Variants in CNTNAP3 observed in about 807,000 individuals in gnomAD.
CNTNAP3 encodes the protein contactin-associated protein-like 3.
Under a neutral mutation model 92.1 loss-of-function variants are expected in CNTNAP3, and 36 were observed. That is an observed-to-expected ratio of 0.39 (90% CI 0.30 to 0.52). CNTNAP3 has a LOEUF of 0.52. Among genes scored for constraint, CNTNAP3 ranks in the 20% least tolerant of loss-of-function variants. The pLI is 0.76. For missense variants in CNTNAP3, 534 were observed against 1,069.6 expected (o/e 0.50, Z 6.98); for synonymous variants, 232 against 422.3 (o/e 0.55, Z 5.53).
intron 21 of CNTNAP3, among the ~76,000 whole-genome samples, chr9:39,083,973 G>C (rs1460016541): frequency 6.6e-6 from 1 of 151,584 alleles, no homozygotes; most frequent in Non-Finnish European, 1.5e-5. Context: ...CTCAGAAACA[G>C]CATCTTAATT....
At chr9:39,143,842 A>G (rs1347463466) in intron 11 of CNTNAP3, among the ~76,000 whole-genome samples, 1 of 152,190 alleles carries the variant, frequency 6.6e-6, no homozygotes, top group Non-Finnish European at 1.5e-5. Context: ...TGTAGCATTG[A>G]CAGCCTGGCA....
chr9:39,151,407 A>G (rs1340540221), intron 9 of CNTNAP3, among the ~76,000 whole-genome samples: 2 of 140,760 alleles, frequency 1.4e-5, no homozygotes, highest in East Asian at 4.2e-4. Flanking sequence ...ACAAAAAAAA[A>G]TTAGCTGGGC....
At chr9:39,081,772 C>T (rs1825942606) in intron 21 of CNTNAP3, among the ~76,000 whole-genome samples, 1 of 151,802 alleles carries the variant, frequency 6.6e-6, no homozygotes. Context: ...ACACTAGCCA[C>T]ATGTGACCAT....
At chr9:39,134,684 TC>T (rs1232949613) in intron 12 of CNTNAP3, among the ~76,000 whole-genome samples, 2 of 152,226 alleles carry the variant, frequency 1.3e-5, no homozygotes, top group African/African-American at 4.8e-5. Flanking sequence ...CACCTTGGCC[TC>T]CCAAAGTGCT....
chr9:39,078,978 C>G (rs7046178), intron 21 of CNTNAP3, 58 bp from the exon 22 acceptor site: 278,088 of 862,752 alleles, frequency 0.32, 43,771 homozygotes, highest in East Asian at 0.59. Context: ...GGGGCGCAGG[C>G]ACACCCCGCA....
chr9:39,136,457 G>A (rs1045863291), intron 12 of CNTNAP3, among the ~76,000 whole-genome samples: 1 of 152,000 alleles, frequency 6.6e-6, no homozygotes, highest in African/African-American at 2.4e-5. Flanking sequence ...ACTTTTCAAG[G>A]AGAAGGTTTT....
chr9:39,126,111 A>C (rs981540348), intron 13 of CNTNAP3, among the ~76,000 whole-genome samples: 8 of 152,202 alleles, frequency 5.3e-5, no homozygotes, highest in Non-Finnish European at 1.2e-4. Context: ...GCCACAGAAC[A>C]CTTTACCAAA....
Position 39,141,777 on chromosome 9 carries a change from T to G in CNTNAP3, c.1757-1139A>C, listed in dbSNP as rs554807990. On this transcript the variant is annotated intron_variant, in intron 11 of 23. Coordinates refer to ENST00000297668, the MANE Select transcript of CNTNAP3 (RefSeq NM_033655.5). ...CTAGGTTTGGAATGGAGACAAATAT[T>G]GAGGAAAGTGACTAGAATTTGTGCT... 6.3e-4 allele frequency among the ~76,000 whole-genome samples: 96 copies of G among 152,298 alleles called. 1 individual carries two copies. The South Asian group carries it at 0.019, about 30-fold the overall frequency.
intron 12 of CNTNAP3, among the ~76,000 whole-genome samples, chr9:39,136,379 T>C (rs1821436852): frequency 6.6e-6 from 1 of 152,110 alleles, no homozygotes; most frequent in South Asian, 2.1e-4. Context: ...GTCAGGAGCA[T>C]ACATATTAAG....
intron 13 of CNTNAP3, among the ~76,000 whole-genome samples, chr9:39,130,323 T>C (rs902507776): frequency 2.0e-5 from 3 of 151,876 alleles, no homozygotes; most frequent in Admixed American, 1.3e-4. Flanking sequence ...AACAAATTAC[T>C]GATATACACA....
At position 39,133,766 on chromosome 9, in the gene CNTNAP3, T is replaced by C. The variant is rs1821361938; in HGVS notation, c.1877-631A>G. ...CTGTCACTTGATTACTTATATTGTT[T>C]TGATGAAATAAAAACAAAATGACTC... On this transcript the variant is annotated intron_variant, in intron 12 of 23. Transcript: ENST00000297668. Among the ~76,000 whole-genome samples, 3 of 151,776 alleles carry C rather than the reference T, an allele frequency of 2.0e-5. No homozygotes were observed. The South Asian group carries it at 6.3e-4, about 32-fold the overall frequency.
chr9:39,090,279 T>TA (rs1455478229), intron 18 of CNTNAP3, among the ~76,000 whole-genome samples: 3 of 152,202 alleles, frequency 2.0e-5, no homozygotes, highest in African/African-American at 7.2e-5. Context: ...ATTTGAATAC[T>TA]AGACCCTTAT....
At chr9:39,128,348 ATATT>A (rs1338804740) in intron 13 of CNTNAP3, among the ~76,000 whole-genome samples, 1 of 152,116 alleles carries the variant, frequency 6.6e-6, no homozygotes, top group African/African-American at 2.4e-5. Flanking sequence ...ATTCAATAAA[ATATT>A]AATAAATGAA....
rs555484360 is a variant in CNTNAP3 at position 39,069,443 on chromosome 9, G to A, written c.*4447C>T. On this transcript the variant is annotated 3_prime_UTR_variant, in exon 24 of 24. Coordinates refer to ENST00000297668, the MANE Select transcript of CNTNAP3 (RefSeq NM_033655.5). Reference sequence around the variant, plus strand: ...TAGCTAAGTTAGAAATTTTCATATCGCAAAATCTAAAAGTTCATCTTATGA... The same window carrying A: ...TAGCTAAGTTAGAAATTTTCATATCACAAAATCTAAAAGTTCATCTTATGA... Among the ~76,000 whole-genome samples, 19 of 152,322 alleles carry A rather than the reference G, an allele frequency of 1.2e-4. No individual in the cohort carries two copies. Among genetic ancestry groups the A allele is most frequent in the African/African-American group, 1.9e-4 (8 of 41,582 alleles).
intron 12 of CNTNAP3, among the ~76,000 whole-genome samples, chr9:39,136,146 A>AATAATG (rs1452480868): frequency 6.7e-6 from 1 of 148,530 alleles, no homozygotes; most frequent in African/African-American, 2.5e-5. Flanking sequence ...TAATAATAAT[A>AATAATG]ATAATAATAA....
intron 14 of CNTNAP3, among the ~76,000 whole-genome samples, chr9:39,117,680 C>A (rs2117959788): frequency 6.6e-6 from 1 of 152,252 alleles, no homozygotes; most frequent in South Asian, 2.1e-4. Context: ...CTCAGAGTTT[C>A]TTGTGTTAAT....
intron 13 of CNTNAP3, among the ~76,000 whole-genome samples, chr9:39,123,908 C>G (rs2118000366): frequency 6.6e-6 from 1 of 151,512 alleles, no homozygotes; most frequent in Non-Finnish European, 1.5e-5. Flanking sequence ...TCCAGTAGAC[C>G]TACCTTGCAA....
At chr9:39,125,959 T>G (rs539877704) in intron 13 of CNTNAP3, among the ~76,000 whole-genome samples, 2 of 152,284 alleles carry the variant, frequency 1.3e-5, no homozygotes, top group Admixed American at 1.3e-4. Context: ...AGATTTGAAC[T>G]GAACAGCACC....
intron 15 of CNTNAP3, among the ~76,000 whole-genome samples, chr9:39,108,297 A>G (rs1422108823): frequency 2.0e-5 from 3 of 151,852 alleles, no homozygotes; most frequent in African/African-American, 7.3e-5. Flanking sequence ...GGGAGTGAGT[A>G]CGCATCGATA....
Sources: gnomAD v4.1 joint callset for allele counts (sites outside exome capture counted in the v4.1 genomes callset) on GRCh38, gnomAD v4.1.1 for gene constraint, MANE v1.5 for transcripts, NCBI Gene and HGNC (gene_info 2026-07-23, HGNC 2026-07-21) for gene names.